The following TRPM3 variants were observed in gnomAD, a reference collection of about 807,000 sequenced individuals.
TRPM3 encodes transient receptor potential cation channel subfamily M member 3.
A neutral mutation model predicts 181.2 loss-of-function variants in TRPM3; 77 were observed. The observed-to-expected ratio is 0.42, with a 90% CI of 0.35 to 0.51. TRPM3 has a LOEUF of 0.51. Among genes scored for constraint, TRPM3 ranks in the 20% least tolerant of loss-of-function variants. The pLI, the probability that TRPM3 is intolerant of heterozygous loss-of-function variation, is 0.01. For missense variants in TRPM3, 1,759 were observed against 2,196.7 expected (o/e 0.80, Z 3.98); for synonymous variants, 745 against 796.4 (o/e 0.94, Z 1.09).
chr9:70,769,204 C>T (rs1588087111), intron 7 of TRPM3, among the ~76,000 whole-genome samples: 2 of 152,156 alleles, frequency 1.3e-5, no homozygotes, highest in Non-Finnish European at 2.9e-5. Context: ...TGTCTATGGT[C>T]TTGCTCCACA....
intron 1 of TRPM3, among the ~76,000 whole-genome samples, chr9:71,313,942 G>C (rs936238706): frequency 6.6e-6 from 1 of 151,896 alleles, no homozygotes; most frequent in African/African-American, 2.4e-5. Context: ...GAATTTTTTT[G>C]CATTTTCATA....
At chr9:71,423,066 T>C (rs1468770004) in intron 1 of TRPM3, among the ~76,000 whole-genome samples, 1 of 152,092 alleles carries the variant, frequency 6.6e-6, no homozygotes, top group Non-Finnish European at 1.5e-5. Context: ...AGAGTTTTGC[T>C]TCATTTCCAG....
intron 1 of TRPM3, among the ~76,000 whole-genome samples, chr9:71,311,637 T>C (rs1344233853): frequency 6.6e-6 from 1 of 151,928 alleles, no homozygotes; most frequent in East Asian, 1.9e-4. Context: ...TAGATCTCAA[T>C]GTAAGGGGTG....
At chr9:71,030,266 G>T (rs1188797955) in intron 1 of TRPM3, among the ~76,000 whole-genome samples, 1 of 152,070 alleles carries the variant, frequency 6.6e-6, no homozygotes, top group Non-Finnish European at 1.5e-5. Flanking sequence ...AAATTTTAAT[G>T]AAGTTTAAAG....
At chr9:70,550,472 A>C (rs1297761181) in intron 24 of TRPM3, among the ~76,000 whole-genome samples, 4 of 152,192 alleles carry the variant, frequency 2.6e-5, no homozygotes, top group Admixed American at 2.0e-4. Context: ...AAGTGAGAAA[A>C]ATAAAGCCTT....
chr9:70,762,878 C>A (rs1762569440), intron 7 of TRPM3, among the ~76,000 whole-genome samples: 1 of 152,152 alleles, frequency 6.6e-6, no homozygotes, highest in Non-Finnish European at 1.5e-5. Context: ...TCTGTTTACA[C>A]CAAGTGGATC....
In TRPM3 at chr9:70,879,874, G is replaced by A. The variant is rs554950249; in HGVS notation, c.178-15363C>T. On this transcript the variant is annotated intron_variant, in intron 1 of 25. Transcript: ENST00000677713. ...ACTGAGTGATTACACTGAATCACAT[G>A]TGCAATTCATGCTGCACCTGTGTGT... is the stretch of plus-strand genomic sequence containing the variant. 2.6e-5 allele frequency among the ~76,000 whole-genome samples: 4 copies of A among 152,216 alleles called. No individual in the cohort carries two copies. In the East Asian group the frequency reaches 7.7e-4, roughly 29 times the overall value.
At chr9:70,778,981 A>T (rs1406077593) in intron 7 of TRPM3, among the ~76,000 whole-genome samples, 1 of 152,082 alleles carries the variant, frequency 6.6e-6, no homozygotes, top group African/African-American at 2.4e-5. Flanking sequence ...CCACATCTCT[A>T]CTAGGAATAT....
chr9:70,942,590 A>G (rs920405341), intron 1 of TRPM3, among the ~76,000 whole-genome samples: 3 of 152,188 alleles, frequency 2.0e-5, no homozygotes, highest in Non-Finnish European at 2.9e-5. Flanking sequence ...CAACTTTTCC[A>G]GTAATGAAGG....
chr9:71,070,806 T>G (rs2062660389), intron 1 of TRPM3, among the ~76,000 whole-genome samples: 1 of 152,214 alleles, frequency 6.6e-6, no homozygotes, highest in African/African-American at 2.4e-5. Context: ...TCATCGTATC[T>G]GCAGCACTCT....
rs71352362 is a variant in TRPM3 at position 71,232,491 on chromosome 9, C to CTTTTTTTTTTT, written c.183+214151_183+214161dup. On this transcript the variant is annotated intron_variant, in intron 1 of 24. Coordinates refer to the TRPM3 transcript ENST00000357533. ...CGCACATGGAAATTGAATTCAGTGT[C>CTTTTTTTTTTT]TTTTTTTTTTTTTTTTTTTTTTTTT... Among the ~76,000 whole-genome samples, 37 of 59,150 alleles carry CTTTTTTTTTTT rather than the reference C, an allele frequency of 6.3e-4. 4 individuals are homozygous for CTTTTTTTTTTT. Among genetic ancestry groups the CTTTTTTTTTTT allele is most frequent in the Non-Finnish European group, 7.4e-4 (25 of 33,872 alleles). 38.8% of individuals were successfully genotyped at this position (59,150 alleles called of 152,430 possible).
chr9:70,639,601 A>C (rs888161150), intron 10 of TRPM3, among the ~76,000 whole-genome samples: 1 of 152,180 alleles, frequency 6.6e-6, no homozygotes, highest in Non-Finnish European at 1.5e-5. Context: ...ACCCCAGGCC[A>C]ACTTGAGAAG....
chr9:70,654,838 CGCCT>C (rs1564723227), intron 9 of TRPM3, among the ~76,000 whole-genome samples: 1 of 151,576 alleles, frequency 6.6e-6, no homozygotes, highest in African/African-American at 2.4e-5. Flanking sequence ...ACCTGCACCA[CGCCT>C]GGCTAATTTT....
chr9:71,328,134 CCT>C (rs911029250), intron 1 of TRPM3, among the ~76,000 whole-genome samples: 12 of 151,616 alleles, frequency 7.9e-5, no homozygotes, highest in Admixed American at 4.0e-4. Context: ...TCTCCAACCC[CCT>C]GTTTATATTT....
chr9:70,935,788 G>T (rs2096823568), intron 1 of TRPM3, among the ~76,000 whole-genome samples: 1 of 152,148 alleles, frequency 6.6e-6, no homozygotes, highest in Admixed American at 6.6e-5. Flanking sequence ...AGAAGTGGCA[G>T]ATTTTTTCCC....
At chr9:70,587,095 T>A (rs1052252406) in intron 22 of TRPM3, among the ~76,000 whole-genome samples, 2 of 151,982 alleles carry the variant, frequency 1.3e-5, no homozygotes, top group African/African-American at 4.8e-5. Context: ...AGACTACCTA[T>A]TAATTTTAGA....
chr9:70,904,775 T>C (rs1205727615), intron 1 of TRPM3, among the ~76,000 whole-genome samples: 1 of 152,212 alleles, frequency 6.6e-6, no homozygotes, highest in East Asian at 1.9e-4. Flanking sequence ...TTTAGAGCTA[T>C]AAATAGAAAA....
At chr9:71,154,112 T>G (rs1349709597) in intron 1 of TRPM3, among the ~76,000 whole-genome samples, 1 of 152,174 alleles carries the variant, frequency 6.6e-6, no homozygotes. Context: ...TTGGAGTTCT[T>G]GAAATAAAAA....
chr9:71,313,920 C>G (rs1429427786), intron 1 of TRPM3, among the ~76,000 whole-genome samples: 4 of 152,082 alleles, frequency 2.6e-5, no homozygotes, highest in African/African-American at 4.8e-5. Context: ...AACATTTTAG[C>G]AGTTTTGTTT....
Sources: gnomAD v4.1 joint callset for allele counts (sites outside exome capture counted in the v4.1 genomes callset) on GRCh38, gnomAD v4.1.1 for gene constraint, MANE v1.5 for transcripts, NCBI Gene and HGNC (gene_info 2026-07-23, HGNC 2026-07-21) for gene names.